Variants in LGALS8 observed in about 807,000 individuals in gnomAD.
The protein encoded by LGALS8 is galectin-8.
In LGALS8, 30 loss-of-function variants were observed where a neutral mutation model predicts 35.9. The observed-to-expected ratio is 0.83, with a 90% confidence interval of 0.62 to 1.13. The LOEUF (loss-of-function observed/expected upper bound fraction) is 1.13, where lower values mean the gene tolerates loss of function less well. LGALS8 is among the 50% of genes most tolerant of loss of function. The probability of loss-of-function intolerance (pLI) is 0.00; values close to 1 mark genes in which losing one functional copy is unlikely to be tolerated. For missense variants in LGALS8, 366 were observed against 388.7 expected (o/e 0.94, Z 0.49); for synonymous variants, 138 against 136.1 (o/e 1.01, Z -0.10).
intron 2 of LGALS8, among the ~76,000 whole-genome samples, chr1:236,528,902 C>T (rs1203187724): frequency 3.3e-5 from 5 of 152,156 alleles, no homozygotes; most frequent in Non-Finnish European, 5.9e-5. Context: ...GTAAATATTG[C>T]AACTGGCCTA....
At chr1:236,547,650 G>A (rs965332971) in intron 9 of LGALS8, among the ~76,000 whole-genome samples, 3 of 148,670 alleles carry the variant, frequency 2.0e-5, no homozygotes, top group African/African-American at 7.4e-5. Context: ...GAGTTTTCCT[G>A]CTTTAGGAGA....
chr1:236,544,955 T>A, intron 9 of LGALS8, 40 bp downstream of exon 9: 1 of 1,509,840 alleles, frequency 6.6e-7, no homozygotes, highest in Non-Finnish European at 9.1e-7. Context: ...GCAATAAGAA[T>A]CCTGGGAGCA....
At chr1:236,535,359 T>A (rs893161255) in intron 2 of LGALS8, among the ~76,000 whole-genome samples, 1 of 152,142 alleles carries the variant, frequency 6.6e-6, no homozygotes, top group African/African-American at 2.4e-5. Flanking sequence ...ATGGGGTATA[T>A]GGCATATTTT....
At position 236,550,132 on chromosome 1, in the gene LGALS8, ATACT is replaced by A. The variant is rs1242479673; in HGVS notation, c.*1977_*1980del. 3.3e-5 allele frequency: 5 copies of A among 152,204 alleles called. No individual in the cohort carries two copies. The highest frequency in any genetic ancestry group is 9.6e-5 in the African/African-American group (4 of 41,456). The allele number at this position is 152,204 out of a possible 1,614,324, so 9.4% of individuals were successfully genotyped here. A position where few individuals can be genotyped will look rare whatever the true frequency, so the allele number is the denominator to read the frequency against. ...TCAAAGCATTGAAAAAAATCTACTG[ATACT>A]TACTTTCTTAGACAAGTAGTTCTTA... On this transcript the variant is annotated 3_prime_UTR_variant, in exon 10 of 10. Coordinates refer to ENST00000366584, the MANE Select transcript of LGALS8 (RefSeq NM_201544.4).
rs555603957 is a variant in LGALS8 at position 236,550,895 on chromosome 1, G to C, written c.*2734G>C. On this transcript the variant is annotated 3_prime_UTR_variant, in exon 10 of 10. Transcript: ENST00000366584. ...TCTGAGTAGAGTATGAAACACCACA[G>C]AAAGTCTTAGAAATAGCTCTGGAGT... is the stretch of plus-strand genomic sequence containing the variant. The C allele has an allele frequency of 1.3e-6, 2 of 1,585,490 alleles. No individual in the cohort carries two copies. The highest frequency in any genetic ancestry group is 1.7e-6 in the Non-Finnish European group (2 of 1,168,618).
intron 2 of LGALS8, among the ~76,000 whole-genome samples, chr1:236,528,917 T>G (rs2103071636): frequency 6.6e-6 from 1 of 152,276 alleles, no homozygotes; most frequent in African/African-American, 2.4e-5. Context: ...GGCCTATGTA[T>G]TTTTTTCCCT....
chr1:236,535,858 C>CT (rs1222039166), intron 2 of LGALS8, among the ~76,000 whole-genome samples: 1 of 152,256 alleles, frequency 6.6e-6, no homozygotes, highest in Non-Finnish European at 1.5e-5. Context: ...TCAGCAGCTG[C>CT]TTTGTTGCCT....
chr1:236,550,981 T>C lies in LGALS8; in HGVS notation c.*2820T>C. The stretch of plus-strand genomic sequence containing the variant: ...CTTTTGGCACTGATGTTCTACTTCT[T>C]CACATTCATCTAAAAAAAAAAAAAA... On this transcript the variant is annotated 3_prime_UTR_variant, in exon 10 of 10. Transcript: ENST00000366584. 1 of 1,438,766 alleles carries C rather than the reference T, an allele frequency of 7.0e-7. No individual in the cohort carries two copies. The highest frequency in any genetic ancestry group is 9.6e-7 in the Non-Finnish European group (1 of 1,043,676). The allele number at this position is 1,438,766 out of a possible 1,614,324, so 89.1% of individuals were successfully genotyped here.
chr1:236,546,028 TTGA>T (rs1662341610), intron 9 of LGALS8, among the ~76,000 whole-genome samples: 1 of 152,202 alleles, frequency 6.6e-6, no homozygotes, highest in South Asian at 2.1e-4. Flanking sequence ...TAACTTGTTT[TTGA>T]CCTATCTGGG....
rs1370694517 is a variant in LGALS8 at position 236,528,396 on chromosome 1, C to CG, written c.45+2281_45+2282insG. On this transcript the variant is annotated intron_variant, in intron 2 of 9. Coordinates refer to ENST00000366584, the MANE Select transcript of LGALS8 (RefSeq NM_201544.4). ...GACTCCATCTCAAAAAAAAAAAAAC[C>CG]CCCCCACACACAAAACCTGTTTTCT... Among the ~76,000 whole-genome samples the CG allele has an allele frequency of 2.0e-5, 3 of 149,578 alleles. 1 individual carries two copies. Among genetic ancestry groups the CG allele is most frequent in the South Asian group, 4.2e-4 (2 of 4,712 alleles).
Position 236,540,547 on chromosome 1 carries a change from C to T in LGALS8, c.346-17C>T, listed in dbSNP as rs542753020. On this transcript the variant is annotated splice_polypyrimidine_tract_variant and intron_variant, in intron 4 of 9. Transcript: ENST00000366584. ...TTTTTGGTGGCGGGGGGGGCTCTGT[C>T]TTCTGTATCTCTCTAGGTGGCTGTA... 1,924 of 1,534,472 alleles carry T rather than the reference C, an allele frequency of 1.3e-3. 33 individuals carry two copies. In the African/African-American group the frequency reaches 0.025, roughly 20 times the overall value.
At chr1:236,545,654 A>T (rs1662317291) in intron 9 of LGALS8, among the ~76,000 whole-genome samples, 1 of 152,236 alleles carries the variant, frequency 6.6e-6, no homozygotes, top group Admixed American at 6.5e-5. Flanking sequence ...TACTAAAAGC[A>T]TGAATATCAG....
chr1:236,524,646 C>T (rs1192426369), intron 1 of LGALS8: 2 of 347,748 alleles, frequency 5.8e-6, no homozygotes, highest in South Asian at 2.1e-5. Context: ...AGTGTTCATG[C>T]TGGCGGGACC....
intron 2 of LGALS8, among the ~76,000 whole-genome samples, chr1:236,532,056 T>G (rs1373452388): frequency 6.6e-6 from 1 of 151,884 alleles, no homozygotes; most frequent in East Asian, 1.9e-4. Context: ...GTGCCTAGGG[T>G]TTTTACTGGA....
intron 1 of LGALS8, among the ~76,000 whole-genome samples, chr1:236,524,897 TAAAGAA>T (rs1660731301): frequency 6.6e-6 from 1 of 152,148 alleles, no homozygotes; most frequent in South Asian, 2.1e-4. Context: ...TTTTTCTTAA[TAAAGAA>T]AAAGTGATAG....
chr1:236,543,137 C>A, intron 7 of LGALS8: 1 of 1,109,112 alleles, frequency 9.0e-7, no homozygotes, highest in African/African-American at 1.5e-5. Flanking sequence ...CCCAAAGCAG[C>A]CCCCTCTGCA....
At chr1:236,545,515 A>G (rs1308799575) in intron 9 of LGALS8, among the ~76,000 whole-genome samples, 1 of 152,176 alleles carries the variant, frequency 6.6e-6, no homozygotes, top group African/African-American at 2.4e-5. Flanking sequence ...GCCAGCCTCA[A>G]TCACCAGCTC....
intron 5 of LGALS8, 81 bp from the exon 6 acceptor site, chr1:236,541,573 T>C (rs1430913325): frequency 1.5e-6 from 1 of 662,032 alleles, no homozygotes; most frequent in African/African-American, 2.3e-5. Context: ...CCATTTATAA[T>C]TTTTTTATAT....
intron 8 of LGALS8, among the ~76,000 whole-genome samples, chr1:236,544,142 A>G (rs1236030439): frequency 1.3e-5 from 2 of 151,664 alleles, no homozygotes; most frequent in Admixed American, 6.6e-5. Context: ...TAGTAGAGAC[A>G]GGGGTTCACC....
Sources: allele counts gnomAD v4.1 joint callset (sites outside exome capture counted in the v4.1 genomes callset), GRCh38; gene constraint gnomAD v4.1.1; transcripts MANE v1.5; gene names NCBI Gene and HGNC (gene_info 2026-07-23, HGNC 2026-07-21).